TNFRSF11B: variants seen among roughly 807,000 people sequenced by gnomAD.
TNFRSF11B encodes TNF receptor superfamily member 11b, also known as tumor necrosis factor receptor superfamily member 11B.
TNFRSF11B carries 16 observed loss-of-function variants against 43.4 expected under a neutral mutation model. The observed-to-expected ratio is 0.37, with a 90% CI of 0.25 to 0.56. The LOEUF (loss-of-function observed/expected upper bound fraction) is 0.56. TNFRSF11B is among the 20% of genes least tolerant of loss of function. TNFRSF11B has a pLI of 0.80. For missense variants in TNFRSF11B, 444 were observed against 490.1 expected (o/e 0.91, Z 0.89); for synonymous variants, 185 against 181.8 (o/e 1.02, Z -0.14).
chr8:118,927,094 A>C (rs556604635), intron 3 of TNFRSF11B, among the ~76,000 whole-genome samples: 1 of 152,226 alleles, frequency 6.6e-6, no homozygotes, highest in Non-Finnish European at 1.5e-5. Flanking sequence ...AAAACAAATA[A>C]TTATCACTGA....
chr8:118,935,396 A>G (rs1194468841), intron 1 of TNFRSF11B, among the ~76,000 whole-genome samples: 1 of 152,188 alleles, frequency 6.6e-6, no homozygotes, highest in East Asian at 1.9e-4. Flanking sequence ...ATAAAACGCA[A>G]ATGGTCCTTG....
chr8:118,929,659 G>T (rs1015509615), intron 2 of TNFRSF11B, among the ~76,000 whole-genome samples: 4 of 152,042 alleles, frequency 2.6e-5, no homozygotes, highest in African/African-American at 9.7e-5. Context: ...TAAATTTGAA[G>T]AAATCATTGG....
chr8:118,951,189 A>T (rs1451992675), intron 1 of TNFRSF11B, among the ~76,000 whole-genome samples: 3 of 152,218 alleles, frequency 2.0e-5, no homozygotes, highest in Non-Finnish European at 4.4e-5. Context: ...TCCACAGTAT[A>T]TTGAAGTTGA....
In TNFRSF11B at chr8:118,951,759, G is replaced by A. The variant is rs770907177; in HGVS notation, c.30+33C>T. 3.2e-6 allele frequency: 5 copies of A among 1,573,558 alleles called. No homozygotes were observed. In the African/African-American group the frequency reaches 4.1e-5, roughly 13 times the overall value. The stretch of plus-strand genomic sequence containing the variant: ...CCAGGTGGCAGCAGCCTCCCCAGGC[G>A]CCGGGCACCCGTCGGCTGGCCCAGG... On this transcript the variant is annotated intron_variant, in intron 1 of 4. Coordinates refer to ENST00000297350, the MANE Select transcript of TNFRSF11B (RefSeq NM_002546.4).
intron 4 of TNFRSF11B, among the ~76,000 whole-genome samples, chr8:118,925,767 A>G (rs2129880475): frequency 6.6e-6 from 1 of 152,280 alleles, no homozygotes; most frequent in East Asian, 1.9e-4. Flanking sequence ...CTGAAGTCAG[A>G]ACTCTTTCCA....
chr8:118,940,752 T>C (rs1346102361), intron 1 of TNFRSF11B, among the ~76,000 whole-genome samples: 2 of 152,134 alleles, frequency 1.3e-5, no homozygotes, highest in African/African-American at 2.4e-5. Context: ...TCTGTTCTTG[T>C]CTCCAGAAAA....
At chr8:118,926,742 G>A in intron 3 of TNFRSF11B, 24 bp from the exon 4 acceptor site, 1 of 1,592,218 alleles carries the variant, frequency 6.3e-7, no homozygotes, top group Non-Finnish European at 8.6e-7. Context: ...AGAAAACCCA[G>A]AAGATTTACT....
intron 1 of TNFRSF11B, 34 bp from the exon 2 acceptor site, chr8:118,933,334 T>A: frequency 6.2e-7 from 1 of 1,610,134 alleles, no homozygotes; most frequent in South Asian, 1.1e-5. Flanking sequence ...GGCATCATCT[T>A]AGCATGAAAA....
chr8:118,938,705 T>C (rs1036580205), intron 1 of TNFRSF11B, among the ~76,000 whole-genome samples: 16 of 152,196 alleles, frequency 1.1e-4, no homozygotes, highest in Non-Finnish European at 5.9e-5. Flanking sequence ...TTGACTTTTC[T>C]TTGTGCTAAG....
At chr8:118,946,532 A>T (rs1812563294) in intron 1 of TNFRSF11B, among the ~76,000 whole-genome samples, 1 of 152,130 alleles carries the variant, frequency 6.6e-6, no homozygotes, top group African/African-American at 2.4e-5. Context: ...TAGTTTACGG[A>T]TGTTCCTAGG....
intron 2 of TNFRSF11B, among the ~76,000 whole-genome samples, chr8:118,931,025 C>A (rs1161426122): frequency 2.0e-5 from 3 of 152,112 alleles, no homozygotes; most frequent in Non-Finnish European, 2.9e-5. Context: ...ACCTGCCAGG[C>A]AAAATGTGAA....
At chr8:118,947,127 A>C (rs753484583) in intron 1 of TNFRSF11B, among the ~76,000 whole-genome samples, 7 of 152,182 alleles carry the variant, frequency 4.6e-5, no homozygotes, top group Non-Finnish European at 1.0e-4. Context: ...GGAATATATA[A>C]ATGTATTTAA....
chr8:118,950,540 A>G (rs182757166), intron 1 of TNFRSF11B, among the ~76,000 whole-genome samples: 21 of 152,364 alleles, frequency 1.4e-4, no homozygotes, highest in African/African-American at 4.8e-4. Context: ...TGCCGATAAT[A>G]TATTTCTTGA....
intron 1 of TNFRSF11B, among the ~76,000 whole-genome samples, chr8:118,949,728 T>C (rs1811723652): frequency 6.6e-6 from 1 of 152,198 alleles, no homozygotes; most frequent in African/African-American, 2.4e-5. Context: ...CATTAGACTA[T>C]GGGTCCATGG....
chr8:118,950,616 T>C (rs1812628610), intron 1 of TNFRSF11B, among the ~76,000 whole-genome samples: 1 of 152,198 alleles, frequency 6.6e-6, no homozygotes, highest in East Asian at 1.9e-4. Context: ...CTTGCACAAT[T>C]CTCTATGTGT....
intron 1 of TNFRSF11B, among the ~76,000 whole-genome samples, chr8:118,942,936 C>A (rs1027156723): frequency 3.9e-5 from 6 of 152,072 alleles, no homozygotes; most frequent in Non-Finnish European, 8.8e-5. Context: ...TACCTACCTA[C>A]CTATTTGACC....
At position 118,924,494 on chromosome 8, in the gene TNFRSF11B, A is replaced by C; in HGVS notation, c.1086T>G (p.Thr362=). Residue 362 remains threonine (T), a synonymous_variant, in exon 5 of 5, where the codon ACT becomes ACG. Coordinates refer to ENST00000297350, the MANE Select transcript of TNFRSF11B (RefSeq NM_002546.4). ...ACCTGATGGTCTTCTTTAGACTCTG[A>C]GTGACAGTTTTGGGAAAGTGGTACG... ...SKTYHFPKTV[T]QSLKKTIRFL... The C allele has an allele frequency of 6.2e-7, 1 of 1,614,006 alleles. No individual in the cohort carries two copies.
At position 118,926,499 on chromosome 8, in the gene TNFRSF11B, A is replaced by G. The variant is rs558927039; in HGVS notation, c.812T>C (p.Ile271Thr). Residue 271 changes from isoleucine (I) to threonine (T), a missense_variant, in exon 4 of 5, where the codon ATC (isoleucine) becomes ACC (threonine). Physicochemically the swap from Ile to Thr is moderately conservative, Grantham distance 89 (BLOSUM62 -1). Transcript: ENST00000297350. ...TTTATTTTAGATTATCATACCTTGG[A>G]TGATCTTCTTGACTATATCTTGGTC... is the stretch of plus-strand genomic sequence containing the variant. ...NKDQDIVKKI[I>T]QDIDLCENSV... The G allele has an allele frequency of 2.1e-5, 34 of 1,612,282 alleles. No individual in the cohort carries two copies. The Admixed American group carries it at 4.0e-4, about 19-fold the overall frequency.
In TNFRSF11B at chr8:118,928,741, T is replaced by A; in HGVS notation, c.589A>T (p.Ile197Leu). ...ACGTATTTTGGAATGTAATTACCTA[T>A]TCCACATTTTTGAGTTGATTCACTG... Reference protein sequence around the residue: ...GNSESTQKCGIDVTLCEEAFF... With the variant: ...GNSESTQKCGLDVTLCEEAFF... The change falls in exon 3 of 5, where the codon ATA becomes TTA. Residue 197 changes from isoleucine (I) to leucine (L), a missense_variant. Transcript: ENST00000297350. 1.2e-6 allele frequency: 2 copies of A among 1,614,134 alleles called. No individual in the cohort carries two copies. Among genetic ancestry groups the A allele is most frequent in the Non-Finnish European group, 1.7e-6 (2 of 1,179,958 alleles).
Sources: gnomAD v4.1 joint callset for allele counts (sites outside exome capture counted in the v4.1 genomes callset) on GRCh38, gnomAD v4.1.1 for gene constraint, MANE v1.5 for transcripts, NCBI Gene and HGNC (gene_info 2026-07-23, HGNC 2026-07-21) for gene names.